Variants in ABR observed in about 807,000 individuals in gnomAD.
ABR encodes the protein ABR activator of RhoGEF and GTPase, also known as active breakpoint cluster region-related protein.
ABR carries 35 observed loss-of-function variants against 107.2 expected under a neutral mutation model. The ratio of observed to expected loss-of-function variants is 0.33; its 90% confidence interval spans 0.25 to 0.43. The LOEUF (loss-of-function observed/expected upper bound fraction) is 0.43. Among genes scored for constraint, ABR ranks in the 20% least tolerant of loss-of-function variants. ABR has a pLI of 1.00. For synonymous variants in ABR, 498 were observed against 462.0 expected, an observed-to-expected ratio of 1.08 and a Z score of -1.00; for missense variants, 815 against 1,115.2, an observed-to-expected ratio of 0.73 and a Z score of 3.83.
chr17:1,207,137 T>C (rs946456970), intron 1 of ABR, among the ~76,000 whole-genome samples: 3 of 151,264 alleles, frequency 2.0e-5, no homozygotes, highest in African/African-American at 7.3e-5. Flanking sequence ...TAGTCCCAGC[T>C]ACTACTCCAC....
intron 1 of ABR, among the ~76,000 whole-genome samples, chr17:1,207,135 G>A (rs2042803616): frequency 6.6e-6 from 1 of 151,498 alleles, no homozygotes; most frequent in Middle Eastern, 3.4e-3. Context: ...TATAGTCCCA[G>A]CTACTACTCC....
chr17:1,011,995 A>G lies in ABR; in HGVS notation c.1962-10T>C. 6.2e-7 allele frequency: 1 copy of G among 1,611,696 alleles called. No homozygotes were observed. The highest frequency in any genetic ancestry group is 8.5e-7 in the Non-Finnish European group (1 of 1,178,366). On this transcript the variant is annotated splice_polypyrimidine_tract_variant and intron_variant, in intron 18 of 22. Coordinates refer to ENST00000302538, the MANE Select transcript of ABR (RefSeq NM_021962.5). This position sits in a 1 kb window ranked among gnomAD's most constrained non-coding sequence, Gnocchi z 4.8. ...CTTGGAGCGCTCCCGCCTGGGGTGGAGCGTGAGGATGGGTGGAGGGCAGCC... is the reference window on the plus strand; with the variant it reads ...CTTGGAGCGCTCCCGCCTGGGGTGGGGCGTGAGGATGGGTGGAGGGCAGCC...
At position 1,051,870 on chromosome 17, in the gene ABR, T is replaced by TTCC. The variant is rs977218268; in HGVS notation, c.1562-1237_1562-1236insGGA. Among the ~76,000 whole-genome samples the TTCC allele has an allele frequency of 1.3e-5, 2 of 152,060 alleles. No individual in the cohort carries two copies. The highest frequency in any genetic ancestry group is 2.9e-5 in the Non-Finnish European group (2 of 67,998). On this transcript the variant is annotated intron_variant, in intron 14 of 22. Transcript: ENST00000302538. This position sits in a 1 kb window ranked among gnomAD's most constrained non-coding sequence, Gnocchi z 4.3. ...GGGCAGATCACCTGAGGTCAGGAGT[T>TTCC]TGAGACCAGCCTGACCAACATGGTG... is the stretch of plus-strand genomic sequence containing the variant.
chr17:1,130,459 G>A (rs1216356083), intron 1 of ABR, among the ~76,000 whole-genome samples: 1 of 151,452 alleles, frequency 6.6e-6, no homozygotes, highest in African/African-American at 2.4e-5. Flanking sequence ...AGACCGTGTT[G>A]CCCCCCATTC....
chr17:1,133,971 C>T (rs973436094), intron 1 of ABR, among the ~76,000 whole-genome samples: 1 of 152,168 alleles, frequency 6.6e-6, no homozygotes, highest in Non-Finnish European at 1.5e-5. Context: ...TTACTGCTGC[C>T]ACCAGGAACA....
intron 1 of ABR, among the ~76,000 whole-genome samples, chr17:1,185,735 C>A (rs2042274976): frequency 6.6e-6 from 1 of 150,970 alleles, no homozygotes; most frequent in Non-Finnish European, 1.5e-5. Context: ...CCTATGAGCA[C>A]TAGCAGAATA....
chr17:1,031,479 G>A (rs909836577), intron 16 of ABR: 9 of 676,886 alleles, frequency 1.3e-5, no homozygotes, highest in East Asian at 3.5e-5. Flanking sequence ...GCTCTGTCCC[G>A]GGACTCCACG....
chr17:1,143,978 T>C (rs1332283295), intron 1 of ABR, among the ~76,000 whole-genome samples: 1 of 152,076 alleles, frequency 6.6e-6, no homozygotes, highest in African/African-American at 2.4e-5. Context: ...AGGGAGGTTG[T>C]CAAAGTAGCT....
intron 6 of ABR, chr17:1,079,020 G>A (rs12602836): frequency 6.9e-7 from 1 of 1,444,100 alleles, no homozygotes; most frequent in Middle Eastern, 2.1e-4. Context: ...GGAGGGGAGG[G>A]AGGCGCGTGG....
chr17:1,087,230 G>GGCT (rs2036653065), intron 4 of ABR, among the ~76,000 whole-genome samples: 1 of 152,202 alleles, frequency 6.6e-6, no homozygotes, highest in Non-Finnish European at 1.5e-5. Flanking sequence ...GGGGGAAGTG[G>GGCT]GCTGCTGTGG....
intron 16 of ABR, among the ~76,000 whole-genome samples, chr17:1,017,114 C>T (rs2071224535): frequency 6.6e-6 from 1 of 152,060 alleles, no homozygotes; most frequent in African/African-American, 2.4e-5. Flanking sequence ...AACCAAGTGC[C>T]CCTCAGGGAG....
At chr17:1,172,493 G>A (rs1485826796) in intron 1 of ABR, among the ~76,000 whole-genome samples, 2 of 152,132 alleles carry the variant, frequency 1.3e-5, no homozygotes, top group Non-Finnish European at 2.9e-5. Context: ...GCTCACACCT[G>A]TCATCCCAGC....
At position 1,149,511 on chromosome 17, in the gene ABR, G is replaced by A. The variant is rs1333065955; in HGVS notation, c.62-24144C>T. 4.0e-5 allele frequency among the ~76,000 whole-genome samples: 6 copies of A among 149,614 alleles called. No homozygotes were observed. In the Admixed American group the frequency reaches 4.0e-4, roughly 10 times the overall value. On this transcript the variant is annotated intron_variant, in intron 1 of 22. Coordinates refer to ENST00000302538, the MANE Select transcript of ABR (RefSeq NM_021962.5). ...GTGATCTCAGCAACTTCCACCTCCC[G>A]GGTTCAAGAGATTCTCCTGTCTCAG...
At chr17:1,048,565 G>A (rs1229344048) in intron 16 of ABR, among the ~76,000 whole-genome samples, 3 of 152,048 alleles carry the variant, frequency 2.0e-5, no homozygotes, top group Non-Finnish European at 2.9e-5. Context: ...GAAGCTCGGC[G>A]CCCAGCTGCG....
intron 5 of ABR, among the ~76,000 whole-genome samples, chr17:1,081,785 C>T (rs2036253676): frequency 6.6e-6 from 1 of 152,082 alleles, no homozygotes; most frequent in African/African-American, 2.4e-5. Context: ...CCACGTTGGC[C>T]AGGCTGGTCT....
In ABR at chr17:1,200,149, A is replaced by T. The variant is rs576260153; in HGVS notation, c.838+28644T>A. On this transcript the variant is annotated intron_variant, in intron 1 of 22. Coordinates refer to the ABR transcript ENST00000574139. This position sits in a 1 kb window ranked among gnomAD's most constrained non-coding sequence, Gnocchi z 4.1. ...AAAAATATTTGGGAGGAAAACAATTAAAAAAAAACACCACAAAAATAAAAA... is the reference window on the plus strand; with the variant it reads ...AAAAATATTTGGGAGGAAAACAATTTAAAAAAAACACCACAAAAATAAAAA... Among the ~76,000 whole-genome samples the T allele has an allele frequency of 1.8e-4, 28 of 151,630 alleles. No homozygotes were observed. The highest frequency in any genetic ancestry group is 1.5e-3 in the Admixed American group (23 of 15,178).
In ABR at chr17:1,157,922, G is replaced by A. The variant is rs562704184; in HGVS notation, c.61+21745C>T. ...AGAATGGATTGAAAAGGATTATCTC[G>A]CCTAATAAGGGCAGGTATTACTTTA... On this transcript the variant is annotated intron_variant, in intron 1 of 22. Coordinates refer to ENST00000302538, the MANE Select transcript of ABR (RefSeq NM_021962.5). The surrounding 1 kb of genome is among the most constrained non-coding windows in gnomAD (Gnocchi z 4.7). 6.6e-6 allele frequency among the ~76,000 whole-genome samples: 1 copy of A among 152,208 alleles called. No homozygotes were observed. The highest frequency in any genetic ancestry group is 1.5e-5 in the Non-Finnish European group (1 of 68,036).
intron 16 of ABR, among the ~76,000 whole-genome samples, chr17:1,044,665 T>A (rs1288653421): frequency 2.1e-5 from 3 of 144,030 alleles, no homozygotes; most frequent in African/African-American, 5.1e-5. Flanking sequence ...AAAAAAAAAA[T>A]ACCTCTTCCG....
intron 10 of ABR, among the ~76,000 whole-genome samples, chr17:1,065,848 C>T (rs1252978919): frequency 6.7e-6 from 1 of 149,832 alleles, no homozygotes; most frequent in Non-Finnish European, 1.5e-5. Flanking sequence ...CAGGTTCAAG[C>T]AATTCTCCTG....
Sources: allele counts gnomAD v4.1 joint callset (sites outside exome capture counted in the v4.1 genomes callset), GRCh38; gene constraint gnomAD v4.1.1; non-coding constraint Gnocchi (gnomAD v3.1); transcripts MANE v1.5; gene names NCBI Gene and HGNC (gene_info 2026-07-23, HGNC 2026-07-21).